FERMT2: variants seen among roughly 807,000 people sequenced by gnomAD.
FERMT2 encodes the protein FERM domain containing kindlin 2, also known as fermitin family homolog 2.
Under a neutral mutation model 82.7 loss-of-function variants are expected in FERMT2, and 15 were observed. The observed-to-expected ratio is 0.18, with a 90% CI of 0.12 to 0.28. The LOEUF is 0.28. Ranked by LOEUF, FERMT2 falls within the 10% of genes least tolerant of loss-of-function variation. FERMT2 has a pLI of 1.00. For missense variants in FERMT2, 645 were observed against 809.4 expected (o/e 0.80, Z 2.46); for synonymous variants, 274 against 271.5 (o/e 1.01, Z -0.09).
intron 2 of FERMT2, among the ~76,000 whole-genome samples, chr14:52,921,465 G>A (rs1376226433): frequency 1.3e-5 from 2 of 152,118 alleles, no homozygotes; most frequent in African/African-American, 2.4e-5. Context: ...ATTGTATATA[G>A]TACCCTACAC....
chr14:52,925,304 T>A (rs905185191), intron 2 of FERMT2, among the ~76,000 whole-genome samples: 1 of 151,938 alleles, frequency 6.6e-6, no homozygotes, highest in Admixed American at 6.6e-5. Context: ...GTAATCCCAG[T>A]ATGTTGGGAG....
intron 10 of FERMT2, chr14:52,872,084 C>G (rs567881436): frequency 1.6e-4 from 25 of 152,500 alleles, no homozygotes; most frequent in African/African-American, 5.8e-4. Context: ...AGCCTGTCAT[C>G]AGTGAGGGTG....
intron 3 of FERMT2, among the ~76,000 whole-genome samples, chr14:52,910,136 T>C (rs1051472855): frequency 1.3e-5 from 2 of 152,364 alleles, no homozygotes; most frequent in East Asian, 1.9e-4. Flanking sequence ...AGAGTCCTTA[T>C]GTACAGCTTA....
At chr14:52,910,601 G>A (rs1437649114) in intron 3 of FERMT2, among the ~76,000 whole-genome samples, 1 of 152,162 alleles carries the variant, frequency 6.6e-6, no homozygotes, top group Non-Finnish European at 1.5e-5. Flanking sequence ...TGATCTGAAA[G>A]TGCGTTTTTG....
intron 2 of FERMT2, among the ~76,000 whole-genome samples, chr14:52,947,037 T>C (rs1295429226): frequency 6.6e-6 from 1 of 152,214 alleles, no homozygotes; most frequent in Non-Finnish European, 1.5e-5. Flanking sequence ...GGATCAATTA[T>C]TTATGAAGTA....
intron 7 of FERMT2, 124 bp downstream of exon 7, chr14:52,878,458 C>T (rs1353601634): frequency 7.5e-6 from 5 of 663,964 alleles, no homozygotes; most frequent in Non-Finnish European, 1.3e-5. Flanking sequence ...TGTCTACTCA[C>T]TTTCTTCATG....
chr14:52,944,075 T>C (rs1890215351), intron 2 of FERMT2, among the ~76,000 whole-genome samples: 1 of 152,186 alleles, frequency 6.6e-6, no homozygotes, highest in African/African-American at 2.4e-5. Context: ...GCTCATACTT[T>C]ATTAGCTGTC....
chr14:52,878,137 T>C (rs1394749847), intron 7 of FERMT2, among the ~76,000 whole-genome samples: 1 of 152,196 alleles, frequency 6.6e-6, no homozygotes, highest in Non-Finnish European at 1.5e-5. Context: ...CTCTAAATCT[T>C]ATCACCTAAA....
In FERMT2 at chr14:52,870,671, T is replaced by A. The variant is rs915198638; in HGVS notation, c.1273+2128A>T. On this transcript the variant is annotated intron_variant, in intron 10 of 14. Transcript: ENST00000341590. ...GGTTTGTAACCTAGGAGCAATCGGCTATACCATATAGCCTAGGTGTGCAGT... is the reference window on the plus strand; with the variant it reads ...GGTTTGTAACCTAGGAGCAATCGGCAATACCATATAGCCTAGGTGTGCAGT... Among the ~76,000 whole-genome samples, 4 of 152,342 alleles carry A rather than the reference T, an allele frequency of 2.6e-5. No individual in the cohort carries two copies. The South Asian group carries it at 8.3e-4, about 32-fold the overall frequency.
Position 52,857,985 on chromosome 14 carries a change from T to TAAAC in FERMT2, c.*388_*391dup, listed in dbSNP as rs1884670210. On this transcript the variant is annotated 3_prime_UTR_variant, in exon 15 of 15. Transcript: ENST00000341590. ...GATATTTTAAAACATGATATCAAAT[T>TAAAC]AAACATACATTAAATCACATGCATT... The TAAAC allele has an allele frequency of 1.3e-5, 2 of 158,062 alleles. No individual in the cohort carries two copies. The highest frequency in any genetic ancestry group is 2.8e-5 in the Non-Finnish European group (2 of 71,668). 9.8% of individuals were successfully genotyped at this position (158,062 alleles called of 1,614,324 possible).
chr14:52,931,618 G>A (rs888535736), intron 2 of FERMT2, among the ~76,000 whole-genome samples: 1 of 152,090 alleles, frequency 6.6e-6, no homozygotes, highest in Non-Finnish European at 1.5e-5. Flanking sequence ...GGTGAAGAGG[G>A]GAAGCTAGAA....
intron 2 of FERMT2, among the ~76,000 whole-genome samples, chr14:52,934,158 T>C (rs1426709712): frequency 1.3e-5 from 2 of 152,332 alleles, no homozygotes; most frequent in African/African-American, 2.4e-5. Context: ...ACTTGTAATA[T>C]ACAAATATTT....
chr14:52,944,158 A>G (rs1402154981), intron 2 of FERMT2, among the ~76,000 whole-genome samples: 1 of 152,222 alleles, frequency 6.6e-6, no homozygotes, highest in Non-Finnish European at 1.5e-5. Context: ...AAACTGATAC[A>G]ATTTAATTCA....
At chr14:52,870,135 T>C (rs1885525627) in intron 10 of FERMT2, among the ~76,000 whole-genome samples, 2 of 152,044 alleles carry the variant, frequency 1.3e-5, no homozygotes, top group African/African-American at 2.4e-5. Context: ...ATAAAGTCTA[T>C]AGTAGCATAT....
At position 52,861,048 on chromosome 14, in the gene FERMT2, T is replaced by C. The variant is rs757245445; in HGVS notation, c.1603-583A>G. The C allele has an allele frequency of 1.9e-4, 278 of 1,495,648 alleles. 1 individual carries two copies. Among genetic ancestry groups the C allele is most frequent in the Non-Finnish European group, 2.4e-4 (269 of 1,127,054 alleles). 92.6% of individuals were successfully genotyped at this position (1,495,648 alleles called of 1,614,324 possible). On this transcript the variant is annotated intron_variant, in intron 12 of 14. Transcript: ENST00000341590. ...TATATAGCCTGGCTGTAGATGGCAA[T>C]GCGAGGAAAGAAAAAGGAAGCAGAA...
intron 7 of FERMT2, 125 bp from the exon 8 acceptor site, chr14:52,875,482 A>C: frequency 1.6e-6 from 1 of 630,826 alleles, no homozygotes; most frequent in Non-Finnish European, 2.6e-6. Flanking sequence ...GCGTCTAGGA[A>C]CTAGAACGAT....
rs1355070805 is a variant in FERMT2, at chr14:52,902,892, C to CAAAAAAAAAAAAAAAAA, written c.392-9466_392-9465insTTTTTTTTTTTTTTTTT. On this transcript the variant is annotated intron_variant, in intron 3 of 14. Coordinates refer to ENST00000341590, the MANE Select transcript of FERMT2 (RefSeq NM_006832.3). ...TCAAAAAAAAAAAAAAAAAAAAAAA[C>CAAAAAAAAAAAAAAAAA]CCCAAAACACTGAAAATTAAAATGT... is the stretch of plus-strand genomic sequence containing the variant. Among the ~76,000 whole-genome samples the CAAAAAAAAAAAAAAAAA allele has an allele frequency of 4.0e-3, 147 of 36,750 alleles. 3 individuals are homozygous for CAAAAAAAAAAAAAAAAA. The highest frequency in any genetic ancestry group is 6.0e-3 in the Non-Finnish European group (121 of 20,064). 24.1% of individuals were successfully genotyped at this position (36,750 alleles called of 152,430 possible).
intron 10 of FERMT2, among the ~76,000 whole-genome samples, chr14:52,868,589 A>G (rs1269587865): frequency 1.3e-5 from 2 of 152,128 alleles, no homozygotes; most frequent in Non-Finnish European, 2.9e-5. Flanking sequence ...TGAATTTTTA[A>G]TAACTTTGCA....
intron 2 of FERMT2, among the ~76,000 whole-genome samples, chr14:52,940,270 G>A (rs1430665113): frequency 6.6e-6 from 1 of 152,156 alleles, no homozygotes; most frequent in Admixed American, 6.5e-5. Flanking sequence ...CTGAATCATG[G>A]AAGGAAATCA....
Sources: gnomAD v4.1 joint callset for allele counts (sites outside exome capture counted in the v4.1 genomes callset) on GRCh38, gnomAD v4.1.1 for gene constraint, MANE v1.5 for transcripts, NCBI Gene and HGNC (gene_info 2026-07-23, HGNC 2026-07-21) for gene names.